SLC38A10: variants seen among roughly 807,000 people sequenced by gnomAD.
The protein encoded by SLC38A10 is Sodium-coupled neutral amino acid transporter 10.
In SLC38A10, 53 loss-of-function variants were observed where a neutral mutation model predicts 81.0. The ratio of observed to expected loss-of-function variants is 0.65; its 90% CI spans 0.53 to 0.82. The LOEUF (loss-of-function observed/expected upper bound fraction) is 0.82. Among genes scored for constraint, SLC38A10 ranks in the 40% least tolerant of loss-of-function variants. The probability of loss-of-function intolerance (pLI) is 0.00; values close to 1 mark genes in which losing one functional copy is unlikely to be tolerated. For missense variants in SLC38A10, 1,471 were observed against 1,545.0 expected, an observed-to-expected ratio of 0.95 and a Z score of 0.80; for synonymous variants, 665 against 655.3, an observed-to-expected ratio of 1.01 and a Z score of -0.23.
intron 2 of SLC38A10, among the ~76,000 whole-genome samples, chr17:81,287,855 C>T (rs2063280494): frequency 6.6e-6 from 1 of 152,224 alleles, no homozygotes; most frequent in South Asian, 2.1e-4. Context: ...CAGCCAAGGA[C>T]TGGAGTTGGG....
rs533684390 is a variant in SLC38A10 at position 81,274,734 on chromosome 17, C to G, written c.912+1235G>C. Among the ~76,000 whole-genome samples the G allele has an allele frequency of 7.9e-5, 12 of 152,260 alleles. No homozygotes were observed. The East Asian group carries it at 2.3e-3, about 30-fold the overall frequency. On this transcript the variant is annotated intron_variant, in intron 8 of 15. Transcript: ENST00000374759. ...CCGCAAGGAGAGAACCAGGACAGCC[C>G]CACGCTCGGGGCGAAAGACAGCGCA...
chr17:81,247,436 G>C (rs2062863088), intron 14 of SLC38A10: 2 of 186,070 alleles, frequency 1.1e-5, no homozygotes, highest in Non-Finnish European at 2.2e-5. Flanking sequence ...CAGTCAAAAG[G>C]AATGTGCCAG....
At chr17:81,259,601 C>T (rs1043001099) in intron 11 of SLC38A10, among the ~76,000 whole-genome samples, 4 of 152,168 alleles carry the variant, frequency 2.6e-5, no homozygotes, top group East Asian at 3.9e-4. Context: ...CACGGAGCTG[C>T]GGCTGCACCT....
At chr17:81,294,100 G>C (rs1002903646) in intron 1 of SLC38A10, among the ~76,000 whole-genome samples, 1 of 152,068 alleles carries the variant, frequency 6.6e-6, no homozygotes, top group South Asian at 2.1e-4. Context: ...TGCAACCTTC[G>C]GCTCATTGAA....
intron 11 of SLC38A10, among the ~76,000 whole-genome samples, chr17:81,256,639 C>T (rs2062975321): frequency 6.6e-6 from 1 of 152,262 alleles, no homozygotes. Context: ...GGGCGCCACA[C>T]TCGCAAGAGG....
At chr17:81,282,844 C>A (rs766086056) in intron 4 of SLC38A10, among the ~76,000 whole-genome samples, 1 of 152,232 alleles carries the variant, frequency 6.6e-6, no homozygotes, top group South Asian at 2.1e-4. Context: ...GGAGAGGACA[C>A]CCCCGCCTCA....
In SLC38A10 at chr17:81,286,942, A is replaced by G. The variant is rs1485147805; in HGVS notation, c.218-2047T>C. ...AACAGGGCAGGGTCTGGGGCTCAGA[A>G]CAGCTTCATGAGAAGCCGCGACAGC... On this transcript the variant is annotated intron_variant, in intron 2 of 15. Coordinates refer to ENST00000374759, the MANE Select transcript of SLC38A10 (RefSeq NM_001037984.3). This position sits in a 1 kb window ranked among gnomAD's most constrained non-coding sequence, Gnocchi z 6.0. Among the ~76,000 whole-genome samples the G allele has an allele frequency of 1.3e-5, 2 of 152,190 alleles. No individual in the cohort carries two copies. The highest frequency in any genetic ancestry group is 4.8e-5 in the African/African-American group (2 of 41,444).
rs767650613 is a variant in SLC38A10, at chr17:81,246,682, G to C, written c.2243-9C>G. On this transcript the variant is annotated splice_polypyrimidine_tract_variant and intron_variant, in intron 15 of 15. Transcript: ENST00000374759. ...CTCTTGATGCACCTCCACTGCAAATGAAGTCGGTCATCAATTTAGCCACAG... is the reference window on the plus strand; with the variant it reads ...CTCTTGATGCACCTCCACTGCAAATCAAGTCGGTCATCAATTTAGCCACAG... 1 of 1,502,468 alleles carries C rather than the reference G, an allele frequency of 6.7e-7. No homozygotes were observed. Among genetic ancestry groups the C allele is most frequent in the African/African-American group, 1.4e-5 (1 of 71,334 alleles). 93.1% of individuals were successfully genotyped at this position (1,502,468 alleles called of 1,614,324 possible).
At chr17:81,291,448 T>C (rs886504635) in intron 1 of SLC38A10, among the ~76,000 whole-genome samples, 19 of 148,188 alleles carry the variant, frequency 1.3e-4, no homozygotes, top group Admixed American at 1.1e-3. Flanking sequence ...GATTGAACCA[T>C]TGCACCCCAG....
At chr17:81,254,425 G>A (rs1468405197) in intron 11 of SLC38A10, among the ~76,000 whole-genome samples, 2 of 152,190 alleles carry the variant, frequency 1.3e-5, no homozygotes, top group African/African-American at 4.8e-5. Flanking sequence ...CAGACGCTAG[G>A]CTCTACAGTT....
chr17:81,244,901 G>A lies in SLC38A10; in HGVS notation c.*655C>T, dbSNP rs892849161. ...CAATGGAGGGCTGGGCCAACCATGA[G>A]GAGTGCAAAGGGCGGCACCGGCCAG... On this transcript the variant is annotated 3_prime_UTR_variant, in exon 16 of 16. Coordinates refer to ENST00000374759, the MANE Select transcript of SLC38A10 (RefSeq NM_001037984.3). The A allele has an allele frequency of 6.2e-6, 1 of 162,186 alleles. No individual in the cohort carries two copies. The highest frequency in any genetic ancestry group is 2.4e-5 in the African/African-American group (1 of 41,766). The allele number at this position is 162,186 out of a possible 1,614,324, so 10.0% of individuals were successfully genotyped here. A position where few individuals can be genotyped will look rare whatever the true frequency, so the allele number is the denominator to read the frequency against.
chr17:81,251,999 G>A lies in SLC38A10; in HGVS notation c.1945+196C>T, dbSNP rs976020121. 5.2e-6 allele frequency: 4 copies of A among 773,830 alleles called. No homozygotes were observed. In the Admixed American group the frequency reaches 1.1e-4, roughly 22 times the overall value. 47.9% of individuals were successfully genotyped at this position (773,830 alleles called of 1,614,324 possible). Reference sequence around the variant, plus strand: ...TGGTCTGGCAAACAACTGTGTGACAGATATTACAGTAGCTGTCAGCCACCA... The same window carrying A: ...TGGTCTGGCAAACAACTGTGTGACAAATATTACAGTAGCTGTCAGCCACCA... On this transcript the variant is annotated intron_variant, in intron 13 of 15. Coordinates refer to ENST00000374759, the MANE Select transcript of SLC38A10 (RefSeq NM_001037984.3).
chr17:81,276,247 G>T lies in SLC38A10; in HGVS notation c.730-96C>A. On this transcript the variant is annotated intron_variant, in intron 7 of 15. Coordinates refer to ENST00000374759, the MANE Select transcript of SLC38A10 (RefSeq NM_001037984.3). The surrounding 1 kb of genome is among the most constrained non-coding windows in gnomAD (Gnocchi z 4.7). ...AGGGCATGGGGGGGACCTGTGCCCT[G>T]CCCCCCAGAATGGCCTTCAATCCAC... 8.4e-7 allele frequency: 1 copy of T among 1,196,014 alleles called. No individual in the cohort carries two copies. Among genetic ancestry groups the T allele is most frequent in the Non-Finnish European group, 1.1e-6 (1 of 879,548 alleles). The allele number at this position is 1,196,014 out of a possible 1,614,324, so 74.1% of individuals were successfully genotyped here. A position where few individuals can be genotyped will look rare whatever the true frequency, so the allele number is the denominator to read the frequency against.
rs1343767075 is a variant in SLC38A10, at chr17:81,288,144, C to T, written c.217+1547G>A. On this transcript the variant is annotated intron_variant, in intron 2 of 15. Transcript: ENST00000374759. The surrounding 1 kb of genome is among the most constrained non-coding windows in gnomAD (Gnocchi z 5.4). ...ATACATCCCCTCCGGTTCTGAGGGC[C>T]GAAACGAACGCAGGACTCTCTGTGG... Among the ~76,000 whole-genome samples, 1 of 152,182 alleles carries T rather than the reference C, an allele frequency of 6.6e-6. No individual in the cohort carries two copies. The highest frequency in any genetic ancestry group is 2.4e-5 in the African/African-American group (1 of 41,428).
In SLC38A10 at chr17:81,294,808, GCC is replaced by G. The variant is rs1269606115; in HGVS notation, c.99+13_99+14del. 1 of 1,569,988 alleles carries G rather than the reference GCC, an allele frequency of 6.4e-7. No individual in the cohort carries two copies. Among genetic ancestry groups the G allele is most frequent in the African/African-American group, 1.4e-5 (1 of 71,516 alleles). On this transcript the variant is annotated intron_variant, in intron 1 of 15. Coordinates refer to ENST00000374759, the MANE Select transcript of SLC38A10 (RefSeq NM_001037984.3). ...GGGAGGCGAGGGCGGTGATCTCCGG[GCC>G]CACCGGACTCACCTGTTTGAAGCAG...
In SLC38A10 at chr17:81,276,166, G is replaced by GCCC; in HGVS notation, c.730-16_730-15insGGG. 1 of 1,600,562 alleles carries GCCC rather than the reference G, an allele frequency of 6.2e-7. No individual in the cohort carries two copies. The highest frequency in any genetic ancestry group is 1.1e-5 in the South Asian group (1 of 90,000). ...AAAAACCCCACCTGTTGGAGAATAA[G>GCCC]AAATGGCAACGTGGCAGACAGACAT... On this transcript the variant is annotated splice_polypyrimidine_tract_variant and intron_variant, in intron 7 of 15. Coordinates refer to ENST00000374759, the MANE Select transcript of SLC38A10 (RefSeq NM_001037984.3). This position sits in a 1 kb window ranked among gnomAD's most constrained non-coding sequence, Gnocchi z 4.7.
At chr17:81,251,967 CATTT>C in intron 13 of SLC38A10, 1 of 677,492 alleles carries the variant, frequency 1.5e-6, no homozygotes, top group Non-Finnish European at 2.3e-6. Flanking sequence ...CGGCACCTGA[CATTT>C]AGTGGTCTGG....
chr17:81,249,110 G>A (rs540457256), intron 14 of SLC38A10, among the ~76,000 whole-genome samples: 1 of 151,532 alleles, frequency 6.6e-6, no homozygotes, highest in South Asian at 2.1e-4. Flanking sequence ...GGTTCCGAAA[G>A]AGCAGGCACC....
chr17:81,285,014 G>A (rs1176430550), intron 2 of SLC38A10, 119 bp from the exon 3 acceptor site: 16 of 709,540 alleles, frequency 2.3e-5, no homozygotes, highest in Admixed American at 3.9e-5. Flanking sequence ...CAGATTCTCC[G>A]GGGCATGAGG....
Sources: gnomAD v4.1 joint callset for allele counts (sites outside exome capture counted in the v4.1 genomes callset) on GRCh38, gnomAD v4.1.1 for gene constraint, Gnocchi (gnomAD v3.1) non-coding constraint, MANE v1.5 for transcripts, NCBI Gene and HGNC (gene_info 2026-07-23, HGNC 2026-07-21) for gene names.